Variants in EXOC6 observed in about 807,000 individuals in gnomAD.
EXOC6 encodes the protein SEC15-like 1.
EXOC6 carries 60 observed loss-of-function variants against 112.5 expected under a neutral mutation model. The observed-to-expected ratio is 0.53, with a 90% CI of 0.43 to 0.66. The LOEUF is 0.66. EXOC6 is among the 30% of genes least tolerant of loss of function. The pLI, the probability that EXOC6 is intolerant of heterozygous loss-of-function variation, is 0.00. For synonymous variants in EXOC6, 295 were observed against 308.0 expected (o/e 0.96, Z 0.44); for missense variants, 855 against 957.1 (o/e 0.89, Z 1.41).
intron 17 of EXOC6, among the ~76,000 whole-genome samples, chr10:92,970,500 A>C (rs1488314552): frequency 6.6e-6 from 1 of 152,240 alleles, no homozygotes; most frequent in Non-Finnish European, 1.5e-5. Context: ...ATCTCTTACC[A>C]GAGGATGACT....
chr10:92,995,179 A>G (rs1843433161), intron 18 of EXOC6, among the ~76,000 whole-genome samples: 1 of 151,990 alleles, frequency 6.6e-6, no homozygotes, highest in Admixed American at 6.6e-5. Flanking sequence ...ATTACGCATG[A>G]TATTTAAATA....
At chr10:93,014,126 T>G in intron 19 of EXOC6, 68 bp from the exon 20 acceptor site, 14 of 1,120,128 alleles carry the variant, frequency 1.2e-5, no homozygotes, top group Non-Finnish European at 1.6e-5. Context: ...TAGAAATTAA[T>G]TTATCAGTTA....
intron 1 of EXOC6, among the ~76,000 whole-genome samples, chr10:92,891,380 C>T (rs911180816): frequency 6.6e-6 from 1 of 152,158 alleles, no homozygotes; most frequent in Non-Finnish European, 1.5e-5. Flanking sequence ...GAGCCTAGTT[C>T]TAACTCAGCT....
intron 1 of EXOC6, among the ~76,000 whole-genome samples, chr10:92,843,123 T>C (rs1846916477): frequency 6.6e-6 from 1 of 152,234 alleles, no homozygotes; most frequent in African/African-American, 2.4e-5. Context: ...CTGATTTTAT[T>C]TGGCTTCAAT....
intron 1 of EXOC6, among the ~76,000 whole-genome samples, chr10:92,852,933 T>G: frequency 6.6e-6 from 1 of 152,062 alleles, no homozygotes; most frequent in East Asian, 1.9e-4. Context: ...ATAAGACCAT[T>G]TAAAAAAAAA....
At chr10:92,996,661 G>C (rs1012233158) in intron 18 of EXOC6, among the ~76,000 whole-genome samples, 8 of 152,048 alleles carry the variant, frequency 5.3e-5, no homozygotes, top group Non-Finnish European at 1.2e-4. Context: ...TGAGTCAGCT[G>C]TGTAATGCAG....
rs186758079 is a variant in EXOC6 at position 93,037,614 on chromosome 10, A to G, written c.2170-19310A>G. On this transcript the variant is annotated intron_variant, in intron 20 of 21. Transcript: ENST00000260762. ...GCCACCACACCCAGCTAGTTTTTCT[A>G]TGTTTAGTAGAGGCAGGGTTTCGCC... Among the ~76,000 whole-genome samples, 504 of 151,810 alleles carry G rather than the reference A, an allele frequency of 3.3e-3. 10 individuals are homozygous for G. Among genetic ancestry groups the G allele is most frequent in the Admixed American group, 0.03 (454 of 15,268 alleles).
At chr10:92,906,883 T>TA (rs1850472827) in intron 5 of EXOC6, among the ~76,000 whole-genome samples, 2 of 152,194 alleles carry the variant, frequency 1.3e-5, no homozygotes. Flanking sequence ...TTCTAGTGGT[T>TA]ATGGATTACT....
Position 92,880,125 on chromosome 10 carries a change from G to A in EXOC6, c.102-13224G>A, listed in dbSNP as rs192768441. ...TTGTGGGGATTTGCTTCCGGGAACC[G>A]GTGTGGATACCTAAATCCATGGATG... On this transcript the variant is annotated intron_variant, in intron 1 of 21. Coordinates refer to ENST00000260762, the MANE Select transcript of EXOC6 (RefSeq NM_019053.6). Among the ~76,000 whole-genome samples, 21 of 152,244 alleles carry A rather than the reference G, an allele frequency of 1.4e-4. No individual in the cohort carries two copies. The East Asian group carries it at 2.5e-3, about 18-fold the overall frequency.
chr10:92,851,245 A>G (rs1399303046), intron 1 of EXOC6, among the ~76,000 whole-genome samples: 1 of 152,378 alleles, frequency 6.6e-6, no homozygotes, highest in East Asian at 1.9e-4. Flanking sequence ...TCAGAGTGGT[A>G]TTCAGTGAGA....
chr10:92,856,651 CTG>C (rs148036426), intron 1 of EXOC6, among the ~76,000 whole-genome samples: 65 of 152,258 alleles, frequency 4.3e-4, no homozygotes, highest in African/African-American at 1.5e-3. Flanking sequence ...CTTGAGAAGA[CTG>C]TGTATCCTAC....
At chr10:92,939,827 G>T (rs1273501263) in intron 12 of EXOC6, among the ~76,000 whole-genome samples, 1 of 152,136 alleles carries the variant, frequency 6.6e-6, no homozygotes, top group Non-Finnish European at 1.5e-5. Flanking sequence ...AGAAAGAGAT[G>T]TCAGGTAGAG....
chr10:92,853,894 A>G (rs554830007), intron 1 of EXOC6, among the ~76,000 whole-genome samples: 1 of 151,680 alleles, frequency 6.6e-6, no homozygotes, highest in South Asian at 2.1e-4. Context: ...ATTGGACTTT[A>G]TTTATTGGAC....
intron 1 of EXOC6, among the ~76,000 whole-genome samples, chr10:92,880,501 G>A (rs1275687763): frequency 6.6e-6 from 1 of 152,172 alleles, no homozygotes; most frequent in African/African-American, 2.4e-5. Context: ...ATTAAGATTT[G>A]TAATTTATAT....
At chr10:92,928,524 T>C in intron 9 of EXOC6, 102 bp downstream of exon 9, 2 of 681,438 alleles carry the variant, frequency 2.9e-6, no homozygotes, top group East Asian at 2.7e-5. Flanking sequence ...CAACTACAAA[T>C]ATTTATTGAA....
At chr10:93,008,122 C>G (rs1192545492) in intron 19 of EXOC6, among the ~76,000 whole-genome samples, 1 of 151,996 alleles carries the variant, frequency 6.6e-6, no homozygotes, top group Non-Finnish European at 1.5e-5. Context: ...TTGCATTGAG[C>G]CAAAATTGTG....
chr10:92,930,315 C>T (rs891131083), intron 9 of EXOC6, among the ~76,000 whole-genome samples: 3 of 152,080 alleles, frequency 2.0e-5, no homozygotes, highest in Admixed American at 6.5e-5. Context: ...CCAGCCTGGC[C>T]AACATGGTGA....
chr10:93,030,786 T>A (rs976513997), intron 20 of EXOC6, among the ~76,000 whole-genome samples: 4 of 152,220 alleles, frequency 2.6e-5, no homozygotes, highest in African/African-American at 9.6e-5. Context: ...GGTAGATGTT[T>A]TAGTAAAATG....
At chr10:92,905,376 T>C (rs983731857) in intron 5 of EXOC6, among the ~76,000 whole-genome samples, 5 of 152,100 alleles carry the variant, frequency 3.3e-5, no homozygotes, top group African/African-American at 1.2e-4. Context: ...AGAACTGATA[T>C]CATCAGTTGA....
Sources: gnomAD v4.1 joint callset for allele counts (sites outside exome capture counted in the v4.1 genomes callset) on GRCh38, gnomAD v4.1.1 for gene constraint, MANE v1.5 for transcripts, NCBI Gene and HGNC (gene_info 2026-07-23, HGNC 2026-07-21) for gene names.